Variants in TACC2 observed in about 807,000 individuals in gnomAD.
TACC2 encodes transforming acidic coiled-coil containing protein 2, also known as transforming acidic coiled-coil-containing protein 2.
Under a neutral mutation model 227.3 loss-of-function variants are expected in TACC2, and 137 were observed. The ratio of observed to expected loss-of-function variants is 0.60; its 90% CI spans 0.52 to 0.69. The LOEUF (loss-of-function observed/expected upper bound fraction) is 0.69, where lower values mean the gene tolerates loss of function less well. Ranked by LOEUF, TACC2 falls within the 30% of genes least tolerant of loss-of-function variation. The pLI, the probability that TACC2 is intolerant of heterozygous loss-of-function variation, is 0.00. For missense variants in TACC2, 3,470 were observed against 3,694.4 expected, an observed-to-expected ratio of 0.94 and a Z score of 1.57; for synonymous variants, 1,523 against 1,487.5, an observed-to-expected ratio of 1.02 and a Z score of -0.55.
intron 1 of TACC2, among the ~76,000 whole-genome samples, chr10:122,006,768 T>C (rs573045770): frequency 1.3e-3 from 195 of 152,204 alleles, no homozygotes; most frequent in African/African-American, 4.4e-3. Context: ...CTATAATTCC[T>C]TCTTTGCCTG....
chr10:122,151,779 G>A (rs2092068473), intron 7 of TACC2, among the ~76,000 whole-genome samples: 1 of 152,190 alleles, frequency 6.6e-6, no homozygotes, highest in Admixed American at 6.5e-5. Context: ...CCGTGGGGAT[G>A]GAGGGGACCT....
chr10:122,059,727 G>T (rs912675844), intron 3 of TACC2, among the ~76,000 whole-genome samples: 1 of 152,192 alleles, frequency 6.6e-6, no homozygotes, highest in African/African-American at 2.4e-5. Context: ...ATAGAACAGA[G>T]ACACTTTTGG....
At position 122,205,496 on chromosome 10, in the gene TACC2, T is replaced by G. The variant is rs2095070664; in HGVS notation, c.5972-4901T>G. On this transcript the variant is annotated intron_variant, in intron 8 of 22. Transcript: ENST00000369005. This position sits in a 1 kb window ranked among gnomAD's most constrained non-coding sequence, Gnocchi z 4.5. ...CAGGAACTTGGAGCTCAAAGGCCCA[T>G]CCAAGCTTATCCTCAAAGCTGACTC... Among the ~76,000 whole-genome samples, 1 of 152,192 alleles carries G rather than the reference T, an allele frequency of 6.6e-6. No individual in the cohort carries two copies. Among genetic ancestry groups the G allele is most frequent in the Non-Finnish European group, 1.5e-5 (1 of 68,032 alleles).
At position 122,132,681 on chromosome 10, in the gene TACC2, T is replaced by G. The variant is rs1357162289; in HGVS notation, c.5646T>G (p.Ser1882=). 3 of 1,614,118 alleles carry G rather than the reference T, an allele frequency of 1.9e-6. No individual in the cohort carries two copies. In the African/African-American group the frequency reaches 4.0e-5, roughly 22 times the overall value. ...TGGAAAGCCCAACCTTAGCTGCCTCTTCCTACCACGGTGATGTTGTTGGCC... is the reference window on the plus strand; with the variant it reads ...TGGAAAGCCCAACCTTAGCTGCCTCGTCCTACCACGGTGATGTTGTTGGCC... The part of the protein sequence containing the change: ...ADLESPTLAA[S]SYHGDVVGQV... The change falls in exon 6 of 23, where the codon TCT becomes TCG. Residue 1882 remains serine, a synonymous_variant. Transcript: ENST00000369005.
intron 3 of TACC2, among the ~76,000 whole-genome samples, chr10:122,058,113 C>T (rs1159940330): frequency 6.6e-6 from 1 of 152,220 alleles, no homozygotes; most frequent in African/African-American, 2.4e-5. Context: ...TCTGCGTCAC[C>T]TTTTAATGTA....
rs75340337 is a variant in TACC2 at position 122,167,654 on chromosome 10, G to A, written c.5834+23948G>A. 3.0e-3 allele frequency among the ~76,000 whole-genome samples: 454 copies of A among 152,308 alleles called. 2 individuals are homozygous for A. The highest frequency in any genetic ancestry group is 0.01 in the African/African-American group (434 of 41,562). On this transcript the variant is annotated intron_variant, in intron 7 of 22. Transcript: ENST00000369005. ...GTGGTTCCTGACCTTTTCTTTGGGAGCTGTAGAGAAAATCCGATGACTCTG... is the reference window on the plus strand; with the variant it reads ...GTGGTTCCTGACCTTTTCTTTGGGAACTGTAGAGAAAATCCGATGACTCTG...
At chr10:122,099,090 C>T (rs574396850) in intron 5 of TACC2, among the ~76,000 whole-genome samples, 16 of 152,190 alleles carry the variant, frequency 1.1e-4, no homozygotes, top group East Asian at 1.9e-4. Flanking sequence ...CAAACCGCCT[C>T]GACAATTTTG....
chr10:122,249,082 G>A lies in TACC2; in HGVS notation c.8586G>A (p.Glu2862=), dbSNP rs758787417. Residue 2862 remains glutamate (E), a synonymous_variant, in exon 21 of 23, where the codon GAG becomes GAA. Coordinates refer to ENST00000369005, the MANE Select transcript of TACC2 (RefSeq NM_206862.4). ...AGGTGTTGAAGAGATGTGCGCAGGAGTACCTGTCCCGGGTGAAGAAGGAGG... is the reference window on the plus strand; with the variant it reads ...AGGTGTTGAAGAGATGTGCGCAGGAATACCTGTCCCGGGTGAAGAAGGAGG... ...NEEVLKRCAQ[E]YLSRVKKEEQ... 29 of 1,613,324 alleles carry A rather than the reference G, an allele frequency of 1.8e-5. No individual in the cohort carries two copies. Among genetic ancestry groups the A allele is most frequent in the Non-Finnish European group, 2.3e-5 (27 of 1,179,938 alleles).
At chr10:122,122,569 C>G (rs1311548581) in intron 5 of TACC2, among the ~76,000 whole-genome samples, 1 of 149,830 alleles carries the variant, frequency 6.7e-6, no homozygotes, top group Non-Finnish European at 1.5e-5. Flanking sequence ...AATCTCTGTT[C>G]TCCCTGCGTG....
At chr10:122,203,502 G>A (rs566901896) in intron 8 of TACC2, among the ~76,000 whole-genome samples, 2 of 151,552 alleles carry the variant, frequency 1.3e-5, no homozygotes, top group South Asian at 2.1e-4. Flanking sequence ...CCGGGCGGAG[G>A]GGCTCCTCAC....
intron 7 of TACC2, among the ~76,000 whole-genome samples, chr10:122,187,333 C>G (rs1011186973): frequency 1.3e-5 from 2 of 152,152 alleles, no homozygotes; most frequent in Admixed American, 6.5e-5. Context: ...TTCTTCGGTA[C>G]ACTCTGGTGT....
intron 14 of TACC2, among the ~76,000 whole-genome samples, chr10:122,228,994 A>AT (rs2095681311): frequency 6.6e-6 from 1 of 152,062 alleles, no homozygotes; most frequent in Non-Finnish European, 1.5e-5. Flanking sequence ...ATTTGGAAGT[A>AT]TTTCTTGAAG....
At chr10:122,004,790 TC>T (rs1348258402) in intron 1 of TACC2, among the ~76,000 whole-genome samples, 1 of 151,962 alleles carries the variant, frequency 6.6e-6, no homozygotes, top group Non-Finnish European at 1.5e-5. Context: ...TCTATTGCAA[TC>T]CCCCCTCTTG....
intron 3 of TACC2, among the ~76,000 whole-genome samples, chr10:122,054,422 T>C (rs115397284): frequency 3.8e-4 from 58 of 152,348 alleles, no homozygotes; most frequent in African/African-American, 1.2e-3. Flanking sequence ...GTACAGCTGA[T>C]TAGCAGTCTG....
At chr10:122,110,284 T>G (rs1239712406) in intron 5 of TACC2, among the ~76,000 whole-genome samples, 1 of 152,200 alleles carries the variant, frequency 6.6e-6, no homozygotes, top group African/African-American at 2.4e-5. Flanking sequence ...CGCACAAGCC[T>G]GCATCTTTCC....
chr10:122,056,504 G>A (rs1016466831), intron 3 of TACC2, among the ~76,000 whole-genome samples: 1 of 152,178 alleles, frequency 6.6e-6, no homozygotes, highest in African/African-American at 2.4e-5. Flanking sequence ...AGGTTCCCAG[G>A]TATTAGTACT....
intron 7 of TACC2, among the ~76,000 whole-genome samples, chr10:122,189,458 A>G (rs1041175788): frequency 2.6e-5 from 4 of 152,138 alleles, no homozygotes; most frequent in Non-Finnish European, 5.9e-5. Context: ...GCTTTTGTCC[A>G]GAGCTGTTGC....
chr10:122,010,537 G>A (rs1955795641), intron 1 of TACC2, among the ~76,000 whole-genome samples: 1 of 152,194 alleles, frequency 6.6e-6, no homozygotes, highest in Admixed American at 6.5e-5. Flanking sequence ...CTCATCCCCA[G>A]AGAGGTTGAC....
intron 1 of TACC2, among the ~76,000 whole-genome samples, chr10:122,017,872 T>C (rs1956870958): frequency 6.7e-6 from 1 of 148,294 alleles, no homozygotes; most frequent in South Asian, 2.1e-4. Flanking sequence ...GAAAAATTCT[T>C]CTGTGGTTTT....
Sources: gnomAD v4.1 joint callset for allele counts (sites outside exome capture counted in the v4.1 genomes callset) on GRCh38, gnomAD v4.1.1 for gene constraint, Gnocchi (gnomAD v3.1) non-coding constraint, MANE v1.5 for transcripts, NCBI Gene and HGNC (gene_info 2026-07-23, HGNC 2026-07-21) for gene names.